The following IMMP2L variants were observed in gnomAD, a reference collection of about 807,000 sequenced individuals.
IMMP2L encodes mitochondrial inner membrane protease subunit 2.
Under a neutral mutation model 19.3 loss-of-function variants are expected in IMMP2L, and 18 were observed. That is an observed-to-expected ratio of 0.93 (90% CI 0.64 to 1.38). The LOEUF is 1.38. Ranked by LOEUF, IMMP2L falls within the 40% of genes most tolerant of loss-of-function variation. IMMP2L has a pLI of 0.00. For missense variants in IMMP2L, 233 were observed against 218.2 expected (o/e 1.07, Z -0.43); for synonymous variants, 76 against 73.0 (o/e 1.04, Z -0.21).
At chr7:110,970,376 A>G (rs1221229983) in intron 3 of IMMP2L, among the ~76,000 whole-genome samples, 1 of 152,162 alleles carries the variant, frequency 6.6e-6, no homozygotes, top group Non-Finnish European at 1.5e-5. Context: ...TTGTATGTAA[A>G]TGAATATATA....
At chr7:111,275,102 T>C (rs1355326160) in intron 3 of IMMP2L, among the ~76,000 whole-genome samples, 2 of 152,092 alleles carry the variant, frequency 1.3e-5, no homozygotes, top group African/African-American at 4.8e-5. Context: ...TTGAGAAAAA[T>C]GCAATTGCAC....
At chr7:111,168,947 T>C (rs896209962) in intron 3 of IMMP2L, among the ~76,000 whole-genome samples, 8 of 151,790 alleles carry the variant, frequency 5.3e-5, no homozygotes, top group African/African-American at 1.9e-4. Context: ...AAAAACAAGG[T>C]GTCTTCATGT....
At chr7:111,489,010 A>G (rs1409959705) in intron 2 of IMMP2L, among the ~76,000 whole-genome samples, 1 of 147,670 alleles carries the variant, frequency 6.8e-6, no homozygotes, top group East Asian at 2.0e-4. Context: ...TTCTCTTGAG[A>G]ATTGTCTATT....
chr7:111,016,535 TA>T (rs1825585796), intron 3 of IMMP2L, among the ~76,000 whole-genome samples: 1 of 120,906 alleles, frequency 8.3e-6, no homozygotes, highest in Non-Finnish European at 1.6e-5. Context: ...GTATATATTA[TA>T]TATTATAATA....
chr7:110,778,666 A>G (rs982020992), intron 5 of IMMP2L, among the ~76,000 whole-genome samples: 1 of 152,168 alleles, frequency 6.6e-6, no homozygotes, highest in Admixed American at 6.6e-5. Context: ...AAGAATAAGG[A>G]TGGAACCAAA....
intron 5 of IMMP2L, among the ~76,000 whole-genome samples, chr7:110,691,747 C>T (rs1262205672): frequency 2.0e-5 from 3 of 151,814 alleles, no homozygotes. Flanking sequence ...AAATTAAAAC[C>T]ACAATGAGAT....
In IMMP2L at chr7:111,033,458, T is replaced by C. The variant is rs186400634; in HGVS notation, c.240-69893A>G. 1.3e-3 allele frequency among the ~76,000 whole-genome samples: 194 copies of C among 152,298 alleles called. 1 individual carries two copies. Among genetic ancestry groups the C allele is most frequent in the African/African-American group, 4.0e-3 (168 of 41,560 alleles). On this transcript the variant is annotated intron_variant, in intron 3 of 5. Coordinates refer to ENST00000405709, the MANE Select transcript of IMMP2L (RefSeq NM_032549.4). ...AGACTCTCATCATATGATCCATCAA[T>C]TGTGCTCCTTGTTATTTATTCAAAT...
chr7:111,288,210 GT>G (rs1326830157), intron 3 of IMMP2L, among the ~76,000 whole-genome samples: 2 of 152,150 alleles, frequency 1.3e-5, no homozygotes, highest in African/African-American at 4.8e-5. Context: ...GAATAAAGAT[GT>G]GGTCAAAGGG....
chr7:111,437,686 A>C lies in IMMP2L; in HGVS notation c.239+49552T>G, dbSNP rs890122459. 8.6e-5 allele frequency among the ~76,000 whole-genome samples: 13 copies of C among 151,988 alleles called. No individual in the cohort carries two copies. In the East Asian group the frequency reaches 2.5e-3, roughly 29 times the overall value. ...TCTGGCCGCTTTCACCTTACAATGT[A>C]TGGTATCTATTTTTATCTGATATAT... On this transcript the variant is annotated intron_variant, in intron 3 of 5. Coordinates refer to ENST00000405709, the MANE Select transcript of IMMP2L (RefSeq NM_032549.4).
chr7:111,482,109 T>A (rs911973599), intron 3 of IMMP2L, among the ~76,000 whole-genome samples: 8 of 152,254 alleles, frequency 5.3e-5, no homozygotes, highest in Admixed American at 5.2e-4. Context: ...ATATCCAAAT[T>A]ATTATGATTT....
chr7:110,949,913 T>C (rs529463296), intron 4 of IMMP2L, among the ~76,000 whole-genome samples: 2 of 152,254 alleles, frequency 1.3e-5, no homozygotes, highest in South Asian at 4.1e-4. Flanking sequence ...AATATACCCA[T>C]GTAAGAAACA....
At chr7:111,499,797 G>A (rs918875046) in intron 2 of IMMP2L, among the ~76,000 whole-genome samples, 5 of 152,086 alleles carry the variant, frequency 3.3e-5, no homozygotes, top group Admixed American at 6.5e-5. Context: ...TCTGGGCTTT[G>A]GGCTCTTTTT....
At chr7:110,719,936 T>A (rs189164372) in intron 5 of IMMP2L, among the ~76,000 whole-genome samples, 1 of 152,316 alleles carries the variant, frequency 6.6e-6, no homozygotes, top group East Asian at 1.9e-4. Flanking sequence ...GATGAAATAT[T>A]TTTGGCTTAA....
Position 111,562,292 on chromosome 7 carries a change from C to G in IMMP2L, c.-444G>C, listed in dbSNP as rs1401292712. The G allele has an allele frequency of 6.6e-6, 1 of 152,374 alleles. No individual in the cohort carries two copies. The highest frequency in any genetic ancestry group is 2.4e-5 in the African/African-American group (1 of 41,432). The allele number at this position is 152,374 out of a possible 1,614,324, so 9.4% of individuals were successfully genotyped here. ...CGCGATCACGCAGGACTCGCGGCCG[C>G]GCACCCCTCCGCCTCCCGGCAACGC... On this transcript the variant is annotated 5_prime_UTR_variant, in exon 1 of 6. Coordinates refer to ENST00000405709, the MANE Select transcript of IMMP2L (RefSeq NM_032549.4).
chr7:111,124,572 G>T (rs141155565), intron 3 of IMMP2L: 1 of 1,613,676 alleles, frequency 6.2e-7, no homozygotes, highest in Non-Finnish European at 8.5e-7. Context: ...CCATCTATCA[G>T]AAAAACAGAA....
intron 2 of IMMP2L, among the ~76,000 whole-genome samples, chr7:111,495,845 T>C: frequency 6.6e-6 from 1 of 152,130 alleles, no homozygotes. Context: ...TTCAACCTTT[T>C]CAGGCTTATA....
intron 5 of IMMP2L, among the ~76,000 whole-genome samples, chr7:110,826,390 A>G (rs983557931): frequency 2.0e-5 from 3 of 152,218 alleles, no homozygotes; most frequent in African/African-American, 7.2e-5. Flanking sequence ...ATGCACACAT[A>G]TGTTTGTTGT....
rs1818215977 is a variant in IMMP2L at position 111,269,516 on chromosome 7, T to TA, written c.239+217721dup. Among the ~76,000 whole-genome samples, 4 of 152,304 alleles carry TA rather than the reference T, an allele frequency of 2.6e-5. 1 individual carries two copies. The highest frequency in any genetic ancestry group is 1.3e-4 in the Admixed American group (2 of 15,290). ...AGAAACAGTGCCACTTTTTTCATCTTATAATTAAAAAATAAAAAGACATAT... is the reference window on the plus strand; with the variant it reads ...AGAAACAGTGCCACTTTTTTCATCTTAATAATTAAAAAATAAAAAGACATAT... On this transcript the variant is annotated intron_variant, in intron 3 of 5. Coordinates refer to ENST00000405709, the MANE Select transcript of IMMP2L (RefSeq NM_032549.4).
In IMMP2L at chr7:110,815,199, C is replaced by A. The variant is rs1020233328; in HGVS notation, c.408+71394G>T. On this transcript the variant is annotated intron_variant, in intron 5 of 5. Transcript: ENST00000405709. ...AAGCGCTGTTGAATTTTGTCAAAGG[C>A]CTTTTCTGCATCTATTGAGATAATC... Among the ~76,000 whole-genome samples the A allele has an allele frequency of 2.6e-5, 4 of 152,092 alleles. No homozygotes were observed. The South Asian group carries it at 8.3e-4, about 32-fold the overall frequency.
Sources: gnomAD v4.1 joint callset for allele counts (sites outside exome capture counted in the v4.1 genomes callset) on GRCh38, gnomAD v4.1.1 for gene constraint, MANE v1.5 for transcripts, NCBI Gene and HGNC (gene_info 2026-07-23, HGNC 2026-07-21) for gene names.